EYS: variants seen among roughly 807,000 people sequenced by gnomAD.
EYS encodes EGF-like photoreceptor maintenance factor.
EYS carries 250 observed loss-of-function variants against 282.1 expected under a neutral mutation model. The observed-to-expected ratio is 0.89, with a 90% CI of 0.80 to 0.98. EYS has a LOEUF of 0.98. Ranked by LOEUF, EYS falls within the 50% of genes least tolerant of loss-of-function variation. EYS has a pLI of 0.00. For synonymous variants in EYS, 1,355 were observed against 1,282.9 expected, an observed-to-expected ratio of 1.06 and a Z score of -1.20; for missense variants, 4,016 against 3,709.0, an observed-to-expected ratio of 1.08 and a Z score of -2.15.
intron 36 of EYS, among the ~76,000 whole-genome samples, chr6:63,831,323 T>A (rs1471439447): frequency 2.0e-5 from 3 of 152,000 alleles, no homozygotes; most frequent in African/African-American, 7.3e-5. Context: ...AGGAGACCCA[T>A]CTCATGTGCA....
At chr6:64,069,645 G>A (rs979690912) in intron 32 of EYS, among the ~76,000 whole-genome samples, 5 of 151,946 alleles carry the variant, frequency 3.3e-5, no homozygotes, top group Non-Finnish European at 5.9e-5. Flanking sequence ...GGATAGATAG[G>A]TAGAATTTCT....
At chr6:63,934,709 T>C (rs1376352622) in intron 35 of EYS, among the ~76,000 whole-genome samples, 1 of 128,658 alleles carries the variant, frequency 7.8e-6, no homozygotes, top group Non-Finnish European at 1.5e-5. Flanking sequence ...TGAGAACACA[T>C]GGACACAGGA....
At chr6:64,607,092 C>T (rs900496172) in intron 24 of EYS, among the ~76,000 whole-genome samples, 3 of 151,676 alleles carry the variant, frequency 2.0e-5, no homozygotes, top group Admixed American at 6.6e-5. Flanking sequence ...AAAACCCTGC[C>T]GTTTCTCAGT....
chr6:63,736,315 T>G (rs1460118385), intron 41 of EYS, among the ~76,000 whole-genome samples: 1 of 152,188 alleles, frequency 6.6e-6, no homozygotes, highest in Non-Finnish European at 1.5e-5. Context: ...GACTAGCCAG[T>G]TTTCCCAGCA....
intron 22 of EYS, among the ~76,000 whole-genome samples, chr6:64,639,430 T>A (rs1768057150): frequency 1.1e-5 from 1 of 91,622 alleles, no homozygotes; most frequent in African/African-American, 4.2e-5. Flanking sequence ...TATACAAATT[T>A]TTCCCATTTC....
At chr6:64,407,832 A>G (rs1773769990) in intron 28 of EYS, among the ~76,000 whole-genome samples, 1 of 152,076 alleles carries the variant, frequency 6.6e-6, no homozygotes. Flanking sequence ...CCTGGGTTCA[A>G]GTGATTCTCC....
intron 13 of EYS, among the ~76,000 whole-genome samples, chr6:65,055,948 C>T (rs1773399709): frequency 6.6e-6 from 1 of 152,062 alleles, no homozygotes; most frequent in Non-Finnish European, 1.5e-5. Context: ...GAAAGCCAGT[C>T]ACTATCTGCT....
chr6:63,835,851 T>C (rs550141206), intron 36 of EYS, among the ~76,000 whole-genome samples: 1 of 152,120 alleles, frequency 6.6e-6, no homozygotes, highest in Non-Finnish European at 1.5e-5. Flanking sequence ...TAAATTTGGC[T>C]ATTTAAAACT....
At chr6:63,836,789 C>T (rs1294169765) in intron 36 of EYS, among the ~76,000 whole-genome samples, 5 of 152,066 alleles carry the variant, frequency 3.3e-5, no homozygotes, top group East Asian at 1.9e-4. Context: ...ACATAGTCCT[C>T]GTTTGACCAT....
intron 15 of EYS, among the ~76,000 whole-genome samples, chr6:64,920,878 AT>A (rs1320789956): frequency 6.6e-6 from 1 of 152,110 alleles, no homozygotes; most frequent in Non-Finnish European, 1.5e-5. Context: ...ATTTATAAAC[AT>A]TTTACAAAAT....
chr6:64,015,087 A>G (rs1306577775), intron 33 of EYS, among the ~76,000 whole-genome samples: 1 of 152,220 alleles, frequency 6.6e-6, no homozygotes, highest in Non-Finnish European at 1.5e-5. Flanking sequence ...CCACAAGAGC[A>G]CTTTCAATTT....
At chr6:63,863,675 C>CTTTTTTTTTT (rs1284326554) in intron 36 of EYS, among the ~76,000 whole-genome samples, 1 of 60,042 alleles carries the variant, frequency 1.7e-5, no homozygotes, top group Non-Finnish European at 3.5e-5. Flanking sequence ...TTTCTTTTTT[C>CTTTTTTTTTT]TTTTTTTTTT....
At chr6:64,830,573 A>T (rs1274695347) in intron 19 of EYS, among the ~76,000 whole-genome samples, 2 of 151,946 alleles carry the variant, frequency 1.3e-5, no homozygotes, top group African/African-American at 4.8e-5. Flanking sequence ...GGATGAGGGT[A>T]ATATAATTTG....
intron 31 of EYS, among the ~76,000 whole-genome samples, chr6:64,155,015 G>A (rs1464706414): frequency 1.3e-5 from 2 of 152,176 alleles, no homozygotes; most frequent in African/African-American, 2.4e-5. Flanking sequence ...ATGGGCTAAA[G>A]TTTGGTGTGC....
chr6:64,990,629 A>T (rs1003011502), intron 14 of EYS, among the ~76,000 whole-genome samples: 5 of 151,612 alleles, frequency 3.3e-5, no homozygotes, highest in African/African-American at 9.7e-5. Context: ...TTTGTTAGAA[A>T]ATCTGAAAAT....
chr6:65,653,268 C>G (rs887011697), intron 1 of EYS, among the ~76,000 whole-genome samples: 3 of 151,788 alleles, frequency 2.0e-5, no homozygotes, highest in African/African-American at 7.3e-5. Flanking sequence ...TTACACAGAG[C>G]ACAGCAAGAA....
Position 65,273,911 on chromosome 6 carries a change from G to A in EYS, c.2023+21952C>T, listed in dbSNP as rs117928782. On this transcript the variant is annotated intron_variant, in intron 12 of 42. Coordinates refer to ENST00000503581, the MANE Select transcript of EYS (RefSeq NM_001142800.2). The stretch of plus-strand genomic sequence containing the variant: ...TGGTCTCTCCTGTCCTCAGTTTCCC[G>A]CAACAATCAGACCTTTTAAGGACTA... Among the ~76,000 whole-genome samples the A allele has an allele frequency of 1.9e-3, 285 of 152,148 alleles. 5 individuals are homozygous for A. The East Asian group carries it at 0.045, about 24-fold the overall frequency.
intron 22 of EYS, among the ~76,000 whole-genome samples, chr6:64,799,842 C>A (rs59229454): frequency 6.6e-6 from 1 of 151,668 alleles, no homozygotes; most frequent in Non-Finnish European, 1.5e-5. Context: ...GTTTAATCTG[C>A]AGTTTCTTTA....
chr6:65,185,421 G>C (rs1030954626), intron 12 of EYS, among the ~76,000 whole-genome samples: 2 of 151,824 alleles, frequency 1.3e-5, no homozygotes, highest in Admixed American at 6.6e-5. Flanking sequence ...TCCAGTTTTA[G>C]AGAGCTGAGC....
Sources: gnomAD v4.1 joint callset for allele counts (sites outside exome capture counted in the v4.1 genomes callset) on GRCh38, gnomAD v4.1.1 for gene constraint, MANE v1.5 for transcripts, NCBI Gene and HGNC (gene_info 2026-07-23, HGNC 2026-07-21) for gene names.